The following ZNF385D variants were observed in gnomAD, a reference collection of about 807,000 sequenced individuals.
The protein encoded by ZNF385D is zinc finger protein 385D.
Under a neutral mutation model 35.8 loss-of-function variants are expected in ZNF385D, and 15 were observed. The ratio of observed to expected loss-of-function variants is 0.42; its 90% CI spans 0.28 to 0.64. The LOEUF is 0.64. Ranked by LOEUF, ZNF385D falls within the 30% of genes least tolerant of loss-of-function variation. The pLI, the probability that ZNF385D is intolerant of heterozygous loss-of-function variation, is 0.23. For missense variants in ZNF385D, 474 were observed against 494.6 expected (o/e 0.96, Z 0.39); for synonymous variants, 212 against 186.8 (o/e 1.13, Z -1.10).
intron 3 of ZNF385D, among the ~76,000 whole-genome samples, chr3:21,933,494 G>A (rs1381662420): frequency 1.3e-5 from 2 of 152,206 alleles, no homozygotes; most frequent in Non-Finnish European, 2.9e-5. Flanking sequence ...AAAGGCCAAT[G>A]CTTCATAGGC....
chr3:22,249,232 T>A (rs1699943689), intron 2 of ZNF385D, among the ~76,000 whole-genome samples: 2 of 152,100 alleles, frequency 1.3e-5, no homozygotes, highest in South Asian at 4.1e-4. Flanking sequence ...TACCACTAAG[T>A]TTTGGGAAGG....
At chr3:22,357,108 T>A (rs1049774256) in intron 2 of ZNF385D, among the ~76,000 whole-genome samples, 1 of 151,922 alleles carries the variant, frequency 6.6e-6, no homozygotes, top group Non-Finnish European at 1.5e-5. Context: ...ACATACATAA[T>A]TACATAGTAC....
chr3:22,304,020 C>T lies in ZNF385D; in HGVS notation c.106+68430G>A, dbSNP rs190824912. Among the ~76,000 whole-genome samples the T allele has an allele frequency of 1.4e-3, 207 of 152,220 alleles. 1 individual carries two copies. The highest frequency in any genetic ancestry group is 4.4e-3 in the African/African-American group (183 of 41,542). On this transcript the variant is annotated intron_variant, in intron 2 of 5. Coordinates refer to the ZNF385D transcript ENST00000494108. ...CTCGAACTCCTGACCTCAGGTAAGCCGCCCACCTCGGCCTCCCAGTGTTGG... is the reference window on the plus strand; with the variant it reads ...CTCGAACTCCTGACCTCAGGTAAGCTGCCCACCTCGGCCTCCCAGTGTTGG...
chr3:21,854,738 A>G (rs1696611053), intron 3 of ZNF385D, among the ~76,000 whole-genome samples: 1 of 151,894 alleles, frequency 6.6e-6, no homozygotes, highest in Admixed American at 6.6e-5. Flanking sequence ...AGGGTCTGTC[A>G]TAACTTTTGG....
At chr3:21,735,248 C>T (rs986126893) in intron 1 of ZNF385D, among the ~76,000 whole-genome samples, 1 of 152,074 alleles carries the variant, frequency 6.6e-6, no homozygotes, top group Non-Finnish European at 1.5e-5. Context: ...AAGGATAATA[C>T]TCATCTCCTA....
intron 3 of ZNF385D, among the ~76,000 whole-genome samples, chr3:22,163,797 A>C (rs912118830): frequency 1.3e-5 from 2 of 152,202 alleles, no homozygotes; most frequent in African/African-American, 4.8e-5. Context: ...TGTGGTGAAA[A>C]GTTTGTGAAG....
intron 2 of ZNF385D, among the ~76,000 whole-genome samples, chr3:22,331,416 AAAAC>A (rs1168909465): frequency 6.6e-6 from 1 of 152,150 alleles, no homozygotes; most frequent in Non-Finnish European, 1.5e-5. Flanking sequence ...TAATATGAAT[AAAAC>A]AAAAAGAAAA....
intron 3 of ZNF385D, among the ~76,000 whole-genome samples, chr3:21,756,529 AT>A (rs1347476750): frequency 1.3e-5 from 2 of 152,118 alleles, no homozygotes; most frequent in African/African-American, 4.8e-5. Context: ...TGGGATTCAT[AT>A]TTAAATTTGG....
At chr3:21,760,248 C>A (rs1488977412) in intron 3 of ZNF385D, among the ~76,000 whole-genome samples, 2 of 152,176 alleles carry the variant, frequency 1.3e-5, no homozygotes, top group Admixed American at 6.5e-5. Context: ...GTATTCGCCA[C>A]CACGAATACC....
intron 3 of ZNF385D, among the ~76,000 whole-genome samples, chr3:21,536,064 G>A (rs979324649): frequency 7.9e-6 from 1 of 126,874 alleles, no homozygotes; most frequent in African/African-American, 2.9e-5. Context: ...GTTAGGCACT[G>A]CCAAAGCCTT....
intron 1 of ZNF385D, among the ~76,000 whole-genome samples, chr3:21,734,151 A>G (rs941095954): frequency 6.6e-6 from 1 of 152,182 alleles, no homozygotes; most frequent in African/African-American, 2.4e-5. Flanking sequence ...ATGCTTATAC[A>G]TTAACTTATA....
At chr3:21,606,405 A>G (rs1190062892) in intron 2 of ZNF385D, among the ~76,000 whole-genome samples, 1 of 152,164 alleles carries the variant, frequency 6.6e-6, no homozygotes, top group South Asian at 2.1e-4. Context: ...TTTTCTTATT[A>G]GTGCCCTGAC....
At position 21,979,564 on chromosome 3, in the gene ZNF385D, T is replaced by C. The variant is rs1461007502; in HGVS notation, c.325+189253A>G. 3.3e-5 allele frequency: 5 copies of C among 152,186 alleles called. No homozygotes were observed. In the East Asian group the frequency reaches 9.6e-4, roughly 29 times the overall value. 9.4% of individuals were successfully genotyped at this position (152,186 alleles called of 1,614,324 possible). A position where few individuals can be genotyped will look rare whatever the true frequency, so the allele number is the denominator to read the frequency against. The stretch of plus-strand genomic sequence containing the variant: ...CAGTTTCATATAAATAGAGCTGGAA[T>C]AAAACTCCTGCCTCACTTCATTAAA... On this transcript the variant is annotated intron_variant, in intron 3 of 5. Transcript: ENST00000494108.
intron 3 of ZNF385D, among the ~76,000 whole-genome samples, chr3:21,800,933 G>A (rs1473070530): frequency 1.3e-5 from 2 of 152,084 alleles, no homozygotes; most frequent in Admixed American, 1.3e-4. Context: ...ATTTTAGGAA[G>A]AAAGCTCTTA....
chr3:21,764,515 G>A (rs2070747444), intron 3 of ZNF385D, among the ~76,000 whole-genome samples: 1 of 152,122 alleles, frequency 6.6e-6, no homozygotes, highest in Non-Finnish European at 1.5e-5. Flanking sequence ...CCTTGCTCAG[G>A]TTTGCTGTCT....
chr3:22,184,923 T>C (rs1695526898), intron 2 of ZNF385D, among the ~76,000 whole-genome samples: 1 of 152,154 alleles, frequency 6.6e-6, no homozygotes, highest in African/African-American at 2.4e-5. Context: ...GTGATGTCAC[T>C]TGGCCATTTT....
chr3:21,565,937 T>G (rs1309289917), intron 2 of ZNF385D, among the ~76,000 whole-genome samples: 2 of 152,184 alleles, frequency 1.3e-5, no homozygotes, highest in African/African-American at 4.8e-5. Flanking sequence ...AACAAGCCAT[T>G]GATCAATTTC....
chr3:22,177,637 G>T (rs969340867), intron 2 of ZNF385D, among the ~76,000 whole-genome samples: 2 of 152,096 alleles, frequency 1.3e-5, no homozygotes, highest in Non-Finnish European at 2.9e-5. Flanking sequence ...CAATGTGCAG[G>T]TTTGTTACAT....
At chr3:21,540,346 C>A (rs2125559193) in intron 3 of ZNF385D, among the ~76,000 whole-genome samples, 1 of 152,144 alleles carries the variant, frequency 6.6e-6, no homozygotes, top group Non-Finnish European at 1.5e-5. Flanking sequence ...ATGATAAAAC[C>A]ATCGACAAAA....
Sources: gnomAD v4.1 joint callset for allele counts (sites outside exome capture counted in the v4.1 genomes callset) on GRCh38, gnomAD v4.1.1 for gene constraint, MANE v1.5 for transcripts, NCBI Gene and HGNC (gene_info 2026-07-23, HGNC 2026-07-21) for gene names.